Variants in CASTOR2 observed in about 807,000 individuals in gnomAD.
CASTOR2 encodes the protein GATS protein like 2.
A neutral mutation model predicts 31.2 loss-of-function variants in CASTOR2; 8 were observed. That is an observed-to-expected ratio of 0.26 (90% CI 0.15 to 0.46). CASTOR2 has a LOEUF of 0.46. Among genes scored for constraint, CASTOR2 ranks in the 20% least tolerant of loss-of-function variants. The pLI is 0.99. For missense variants in CASTOR2, 216 were observed against 382.1 expected (o/e 0.57, Z 3.62); for synonymous variants, 162 against 158.7 (o/e 1.02, Z -0.16).
In CASTOR2 at chr7:75,027,066, T is replaced by C. The variant is rs1438173052; in HGVS notation, c.*2367T>C. ...CAGCCCCCCGCTGTGTGTGCACACG[T>C]GTATGGGCGTGATGGCCTCCACCCC... is the stretch of plus-strand genomic sequence containing the variant. On this transcript the variant is annotated 3_prime_UTR_variant, in exon 9 of 9. Coordinates refer to ENST00000616305, the MANE Select transcript of CASTOR2 (RefSeq NM_001145064.3). The C allele has an allele frequency of 6.6e-6, 1 of 152,236 alleles. No homozygotes were observed. The highest frequency in any genetic ancestry group is 1.5e-5 in the Non-Finnish European group (1 of 68,050). The allele number at this position is 152,236 out of a possible 1,614,324, so 9.4% of individuals were successfully genotyped here. A position where few individuals can be genotyped will look rare whatever the true frequency, so the allele number is the denominator to read the frequency against.
chr7:75,022,563 G>A (rs1215713548), intron 7 of CASTOR2, among the ~76,000 whole-genome samples: 16,646 of 93,922 alleles, frequency 0.18, 951 homozygotes, highest in South Asian at 0.2. Context: ...AGGTCTTTGG[G>A]AGGCCGATGC....
intron 1 of CASTOR2, among the ~76,000 whole-genome samples, chr7:74,990,748 G>A (rs1563057246): frequency 1.3e-5 from 2 of 152,164 alleles, no homozygotes; most frequent in African/African-American, 4.8e-5. Context: ...CCAGCTACTC[G>A]GGAGGCTGAG....
Position 75,024,776 on chromosome 7 carries a change from T to C in CASTOR2, c.*77T>C. ...GAAGATTGATCTTGCAGTATTTCTC[T>C]ACAGACTGGAAAATCAGCCTGGGGA... On this transcript the variant is annotated 3_prime_UTR_variant, in exon 9 of 9. Coordinates refer to ENST00000616305, the MANE Select transcript of CASTOR2 (RefSeq NM_001145064.3). 2 of 1,551,080 alleles carry C rather than the reference T, an allele frequency of 1.3e-6. No individual in the cohort carries two copies. Among genetic ancestry groups the C allele is most frequent in the Middle Eastern group, 3.4e-4 (2 of 5,814 alleles).
chr7:75,006,720 A>G (rs1373703290), intron 1 of CASTOR2, among the ~76,000 whole-genome samples: 1 of 152,118 alleles, frequency 6.6e-6, no homozygotes, highest in African/African-American at 2.4e-5. Flanking sequence ...CCTGGCAGTG[A>G]ATAAGTCTCA....
At chr7:74,973,286 C>T (rs587618557) in intron 1 of CASTOR2, among the ~76,000 whole-genome samples, 8 of 149,338 alleles carry the variant, frequency 5.4e-5, no homozygotes, top group African/African-American at 1.7e-4. Flanking sequence ...AGATAAACCA[C>T]GTCAAGCACT....
At chr7:74,985,585 CAAAAAA>C (rs782053038) in intron 1 of CASTOR2, among the ~76,000 whole-genome samples, 1 of 67,580 alleles carries the variant, frequency 1.5e-5, no homozygotes, top group South Asian at 7.0e-4. Flanking sequence ...CAGCCTGGCT[CAAAAAA>C]AAAAAAAAAA....
At position 75,021,855 on chromosome 7, in the gene CASTOR2, T is replaced by G. The variant is rs913089111; in HGVS notation, c.747-19T>G. On this transcript the variant is annotated intron_variant, in intron 6 of 8. Coordinates refer to ENST00000616305, the MANE Select transcript of CASTOR2 (RefSeq NM_001145064.3). ...AATTCACATCAGCCTCGGGGATTCTTCTCTCGCTCCTTTTGAAGGTTTCCT... is the reference window on the plus strand; with the variant it reads ...AATTCACATCAGCCTCGGGGATTCTGCTCTCGCTCCTTTTGAAGGTTTCCT... 6.4e-7 allele frequency: 1 copy of G among 1,551,652 alleles called. No homozygotes were observed. Among genetic ancestry groups the G allele is most frequent in the Non-Finnish European group, 8.7e-7 (1 of 1,146,852 alleles).
At chr7:74,975,318 C>G (rs1397334455) in intron 1 of CASTOR2, among the ~76,000 whole-genome samples, 1 of 150,608 alleles carries the variant, frequency 6.6e-6, no homozygotes, top group East Asian at 2.0e-4. Flanking sequence ...ACTCTGTTGT[C>G]CACGCCGGTC....
intron 1 of CASTOR2, among the ~76,000 whole-genome samples, chr7:74,998,649 A>G (rs1804416088): frequency 6.6e-6 from 1 of 150,690 alleles, no homozygotes; most frequent in Non-Finnish European, 1.5e-5. Flanking sequence ...TAATCTCAGT[A>G]CTATGATGGA....
rs1206642053 is a variant in CASTOR2 at position 74,975,992 on chromosome 7, C to T, written c.113+10894C>T. ...GCGGGGCTTTGAAAACAGATCCTTC[C>T]GCCCCAGGCAAGCCTTCCAATGGAT... On this transcript the variant is annotated intron_variant, in intron 1 of 8. Transcript: ENST00000616305. Among the ~76,000 whole-genome samples, 4 of 149,628 alleles carry T rather than the reference C, an allele frequency of 2.7e-5. No individual in the cohort carries two copies. The East Asian group carries it at 6.0e-4, about 22-fold the overall frequency.
At position 75,018,992 on chromosome 7, in the gene CASTOR2, C is replaced by T; in HGVS notation, c.532C>T (p.Pro178Ser). 1 of 1,552,008 alleles carries T rather than the reference C, an allele frequency of 6.4e-7. No individual in the cohort carries two copies. The highest frequency in any genetic ancestry group is 8.7e-7 in the Non-Finnish European group (1 of 1,147,080). ...TACAGTCCAGAGGCCAGTCATCCAC[C>T]CACTGTCCAGCCCGAGCAACAGGTT... ...PKLVQRPVIHPLSSPSNRFCV... is the reference protein window; with the variant it reads ...PKLVQRPVIHSLSSPSNRFCV... The change falls in exon 5 of 9, where the codon CCA (proline) becomes TCA (serine). Residue 178 changes from proline to serine, a missense_variant. Pro to Ser is a moderately conservative substitution (Grantham distance 74). This residue lies in a region of CASTOR2 where 114 missense variants were observed against 194.2 expected (regional missense o/e 0.59). Transcript: ENST00000616305.
At position 74,995,510 on chromosome 7, in the gene CASTOR2, T is replaced by C. The variant is rs1470155992; in HGVS notation, c.114-12484T>C. 2.5e-3 allele frequency among the ~76,000 whole-genome samples: 14 copies of C among 5,636 alleles called. 1 individual carries two copies. Among genetic ancestry groups the C allele is most frequent in the African/African-American group, 0.011 (13 of 1,194 alleles). The allele number at this position is 5,636 out of a possible 152,430, so 3.7% of individuals were successfully genotyped here. A position where few individuals can be genotyped will look rare whatever the true frequency, so the allele number is the denominator to read the frequency against. ...GTGAGACCCTGTCTTTACAAAAAAA[T>C]GAAAAAAAAAAAAAAGGCCGGGTGC... On this transcript the variant is annotated intron_variant, in intron 1 of 8. Transcript: ENST00000616305.
At chr7:75,006,034 G>A (rs1415574213) in intron 1 of CASTOR2, among the ~76,000 whole-genome samples, 1 of 152,216 alleles carries the variant, frequency 6.6e-6, no homozygotes, top group Non-Finnish European at 1.5e-5. Flanking sequence ...GGAGGCTGAG[G>A]CAGGAAAATC....
chr7:74,989,775 G>T (rs1487374348), intron 1 of CASTOR2, among the ~76,000 whole-genome samples: 1 of 151,980 alleles, frequency 6.6e-6, no homozygotes, highest in Non-Finnish European at 1.5e-5. Flanking sequence ...AGGACATAAT[G>T]TGTGTGTTTC....
At chr7:75,000,752 C>T (rs1185059539) in intron 1 of CASTOR2, among the ~76,000 whole-genome samples, 2 of 151,942 alleles carry the variant, frequency 1.3e-5, no homozygotes, top group African/African-American at 2.4e-5. Context: ...TCCACCTCCC[C>T]GGTTCAAGCA....
chr7:75,012,907 A>G (rs1256891816), intron 2 of CASTOR2, among the ~76,000 whole-genome samples: 2 of 152,048 alleles, frequency 1.3e-5, no homozygotes, highest in African/African-American at 4.8e-5. Context: ...CCAAATTTCC[A>G]AAGTGCTGGG....
chr7:75,013,398 C>A (rs1159422650), intron 2 of CASTOR2, among the ~76,000 whole-genome samples: 1 of 152,054 alleles, frequency 6.6e-6, no homozygotes, highest in Non-Finnish European at 1.5e-5. Context: ...TAATCCCAGC[C>A]CTTTGGGAGG....
intron 1 of CASTOR2, among the ~76,000 whole-genome samples, chr7:74,979,284 C>T (rs1357942518): frequency 3.5e-5 from 5 of 144,240 alleles, no homozygotes; most frequent in East Asian, 2.2e-4. Flanking sequence ...GCCTCTAGTA[C>T]GCCCATTACC....
At position 75,030,487 on chromosome 7, in the gene CASTOR2, G is replaced by GT. The variant is rs1484588405; in HGVS notation, c.*5789dup. Reference sequence around the variant, plus strand: ...AGAACTACTCTGGAGGGGGGCAAAGGTGTCAGGAACAGTTTGAGCAGTTCT... The same window carrying GT: ...AGAACTACTCTGGAGGGGGGCAAAGGTTGTCAGGAACAGTTTGAGCAGTTCT... On this transcript the variant is annotated 3_prime_UTR_variant, in exon 9 of 9. Transcript: ENST00000616305. 2.0e-5 allele frequency among the ~76,000 whole-genome samples: 3 copies of GT among 152,264 alleles called. No individual in the cohort carries two copies. Among genetic ancestry groups the GT allele is most frequent in the African/African-American group, 7.2e-5 (3 of 41,550 alleles).
Sources: allele counts gnomAD v4.1 joint callset (sites outside exome capture counted in the v4.1 genomes callset), GRCh38; gene constraint gnomAD v4.1.1; regional missense constraint gnomAD v4.1.1; transcripts MANE v1.5; gene names NCBI Gene and HGNC (gene_info 2026-07-23, HGNC 2026-07-21).